Variants in ASH1L observed in about 807,000 individuals in gnomAD.
The protein encoded by ASH1L is histone-lysine N-methyltransferase ASH1L.
Under a neutral mutation model 269.0 loss-of-function variants are expected in ASH1L, and 23 were observed. That is an observed-to-expected ratio of 0.09 (90% CI 0.06 to 0.12). The LOEUF (loss-of-function observed/expected upper bound fraction) is 0.12. Among genes scored for constraint, ASH1L ranks in the 10% least tolerant of loss-of-function variants. The pLI is 1.00. For synonymous variants in ASH1L, 1,187 were observed against 1,253.5 expected, an observed-to-expected ratio of 0.95 and a Z score of 1.12; for missense variants, 2,912 against 3,567.8, an observed-to-expected ratio of 0.82 and a Z score of 4.68.
intron 5 of ASH1L, among the ~76,000 whole-genome samples, chr1:155,428,104 C>A (rs1290473174): frequency 6.6e-6 from 1 of 152,070 alleles, no homozygotes; most frequent in African/African-American, 2.4e-5. Context: ...TTATAAATTA[C>A]CCAGTCTCAG....
intron 2 of ASH1L, among the ~76,000 whole-genome samples, chr1:155,515,375 T>C (rs1410779987): frequency 6.6e-6 from 1 of 152,192 alleles, no homozygotes; most frequent in Non-Finnish European, 1.5e-5. Context: ...ACCAGCAGGA[T>C]GCGTAAAATC....
chr1:155,386,159 C>CT (rs1267834943), intron 7 of ASH1L, among the ~76,000 whole-genome samples: 1 of 151,794 alleles, frequency 6.6e-6, no homozygotes, highest in Non-Finnish European at 1.5e-5. Flanking sequence ...CCTGTGCCTC[C>CT]TGAGTTCAAG....
intron 4 of ASH1L, among the ~76,000 whole-genome samples, chr1:155,448,941 T>C (rs896774462): frequency 1.7e-4 from 26 of 150,446 alleles, no homozygotes; most frequent in Middle Eastern, 3.2e-3. Context: ...TGTGTGTGTG[T>C]GTTTTTTTTT....
In ASH1L at chr1:155,357,345, T is replaced by C. The variant is rs1654508415; in HGVS notation, c.7026A>G (p.Leu2342=). The change falls in exon 15 of 28, where the codon TTA becomes TTG. Residue 2342 remains leucine, a synonymous_variant. Transcript: ENST00000392403. ...INTPTRLTPQ[L]QMKPMSNRER... is the part of the protein sequence containing the mutation. The stretch of plus-strand genomic sequence containing the variant: ...CACGATTGGACATTGGCTTCATCTG[T>C]AATTGGGGGGTCAATCTAGTTGGGG... 1.9e-6 allele frequency: 3 copies of C among 1,613,944 alleles called. No individual in the cohort carries two copies. Among genetic ancestry groups the C allele is most frequent in the Non-Finnish European group, 2.5e-6 (3 of 1,179,944 alleles).
At position 155,562,493 on chromosome 1, in the gene ASH1L, G is replaced by A. The variant is rs1464928243; in HGVS notation, c.-440C>T. On this transcript the variant is annotated 5_prime_UTR_variant, in exon 1 of 28. Transcript: ENST00000392403. ...CGGCGGCAGCTCCTCCAGAGGGAGG[G>A]AGCGAAGGGCGCCTAGCGCCCCCCT... 15 of 1,487,830 alleles carry A rather than the reference G, an allele frequency of 1.0e-5. No individual in the cohort carries two copies. Among genetic ancestry groups the A allele is most frequent in the African/African-American group, 6.9e-5 (5 of 71,948 alleles). The allele number at this position is 1,487,830 out of a possible 1,614,324, so 92.2% of individuals were successfully genotyped here. A position where few individuals can be genotyped will look rare whatever the true frequency, so the allele number is the denominator to read the frequency against.
chr1:155,446,976 GA>G (rs1663089106), intron 4 of ASH1L, among the ~76,000 whole-genome samples: 4 of 152,306 alleles, frequency 2.6e-5, no homozygotes, highest in African/African-American at 9.6e-5. Context: ...TAAACACACA[GA>G]AATTGTACTG....
intron 21 of ASH1L, among the ~76,000 whole-genome samples, chr1:155,345,555 G>A (rs1431569368): frequency 2.0e-5 from 3 of 148,676 alleles, no homozygotes; most frequent in African/African-American, 7.4e-5. Context: ...TTATAGGTGT[G>A]AGCCACCATG....
rs761640241 is a variant in ASH1L at position 155,478,869 on chromosome 1, G to C, written c.4001C>G (p.Pro1334Arg). 1.2e-6 allele frequency: 2 copies of C among 1,613,908 alleles called. No individual in the cohort carries two copies. The highest frequency in any genetic ancestry group is 1.7e-6 in the Non-Finnish European group (2 of 1,179,996). ...TCGAATGTAGTGCAAAGGGTCTAAGGGGAAAGAAGGATGTGTATAGAAACT... is the reference window on the plus strand; with the variant it reads ...TCGAATGTAGTGCAAAGGGTCTAAGCGGAAAGAAGGATGTGTATAGAAACT... Reference protein sequence around the residue: ...FNSFYTHPSFPLDPLHYIRKP... With the variant: ...FNSFYTHPSFRLDPLHYIRKP... The change falls in exon 3 of 28, where the codon CCC becomes CGC. Residue 1334 changes from proline to arginine, a missense_variant. By Grantham distance (103) the Pro-to-Arg change is moderately radical. Transcript: ENST00000392403. The surrounding 1 kb of genome is among the most constrained non-coding windows in gnomAD (Gnocchi z 4.6).
rs186482530 is a variant in ASH1L at position 155,435,127 on chromosome 1, C to A, written c.5828+3200G>T. ...GAGCCAAGATTGCGCCACTGCATTC[C>A]AGCCTGGGTGACTCGGTCTCAAAAA... On this transcript the variant is annotated intron_variant, in intron 5 of 27. Transcript: ENST00000392403. Among the ~76,000 whole-genome samples, 194 of 152,284 alleles carry A rather than the reference C, an allele frequency of 1.3e-3. 1 individual carries two copies. The highest frequency in any genetic ancestry group is 4.5e-3 in the African/African-American group (186 of 41,542).
At chr1:155,495,023 A>T (rs1667055659) in intron 2 of ASH1L, among the ~76,000 whole-genome samples, 1 of 152,204 alleles carries the variant, frequency 6.6e-6, no homozygotes, top group Non-Finnish European at 1.5e-5. Context: ...GCTGCTGACA[A>T]GTCAAGTAGA....
Position 155,527,217 on chromosome 1 carries a change from GA to G in ASH1L, c.-99-5600del, listed in dbSNP as rs112701103. 1.1e-3 allele frequency among the ~76,000 whole-genome samples: 166 copies of G among 145,532 alleles called. No homozygotes were observed. In the East Asian group the frequency reaches 0.012, roughly 10 times the overall value. Reference sequence around the variant, plus strand: ...AGCGAGACTCCGTCTCAAAAAAAAAGAAAAAAAAAAATTCCTCTTGACTCCA... The same window carrying G: ...AGCGAGACTCCGTCTCAAAAAAAAAGAAAAAAAAAATTCCTCTTGACTCCA... On this transcript the variant is annotated intron_variant, in intron 1 of 27. Transcript: ENST00000392403.
In ASH1L at chr1:155,459,832, C is replaced by T. The variant is rs1280114281; in HGVS notation, c.5051G>A (p.Arg1684Gln). The change falls in exon 4 of 28, where the codon CGG becomes CAG. Residue 1684 changes from arginine to glutamine, a missense_variant. This residue lies in a region of ASH1L where 789 missense variants were observed against 897.6 expected (regional missense o/e 0.88). Transcript: ENST00000392403. ...AGTACTCTCAGATGAAGACCTTTTC[C>T]GGGTAGGGCTACAATTTGTGCTCTC... ...PSESTNCSPT[R>Q]KRSSSESTSS... 9.9e-6 allele frequency: 16 copies of T among 1,613,182 alleles called. No individual in the cohort carries two copies. The highest frequency in any genetic ancestry group is 2.2e-5 in the South Asian group (2 of 90,956).
At chr1:155,362,717 G>C (rs1655073611) in intron 12 of ASH1L, among the ~76,000 whole-genome samples, 1 of 152,010 alleles carries the variant, frequency 6.6e-6, no homozygotes, top group Non-Finnish European at 1.5e-5. Flanking sequence ...CCCCAATCCT[G>C]TAAGATAGGC....
Position 155,478,218 on chromosome 1 carries a change from T to C in ASH1L, c.4652A>G (p.Asn1551Ser). The change falls in exon 3 of 28, where the codon AAC (asparagine) becomes AGC (serine). Residue 1551 changes from asparagine (N) to serine (S), a missense_variant. Around this residue, in one of 13 missense-constraint regions of ASH1L, gnomAD observed 789 missense variants for 897.6 expected, o/e 0.88. Coordinates refer to ENST00000392403, the MANE Select transcript of ASH1L (RefSeq NM_018489.3). The surrounding 1 kb of genome is among the most constrained non-coding windows in gnomAD (Gnocchi z 4.6). ...TCGGTGGACCCACTGTTCCTCTCTG[T>C]TTATTAAGCTTTTTGAAGGAGAGAG... ...PHLSPSKSLI[N>S]REEQWVHREP... 4 of 1,609,480 alleles carry C rather than the reference T, an allele frequency of 2.5e-6. No individual in the cohort carries two copies. Among genetic ancestry groups the C allele is most frequent in the Non-Finnish European group, 3.4e-6 (4 of 1,178,376 alleles).
intron 1 of ASH1L, among the ~76,000 whole-genome samples, chr1:155,558,882 G>A (rs893746120): frequency 6.9e-6 from 1 of 143,920 alleles, no homozygotes; most frequent in South Asian, 2.2e-4. Context: ...GAGTCACTCT[G>A]TCGTCCAGGC....
At chr1:155,466,076 C>T (rs896255170) in intron 3 of ASH1L, among the ~76,000 whole-genome samples, 13 of 152,090 alleles carry the variant, frequency 8.5e-5, no homozygotes, top group Admixed American at 3.3e-4. Context: ...CTGTTTTGGC[C>T]GGGCGCTGTG....
intron 3 of ASH1L, among the ~76,000 whole-genome samples, chr1:155,465,350 T>C (rs773206343): frequency 2.7e-5 from 4 of 146,764 alleles, no homozygotes; most frequent in African/African-American, 1.0e-4. Context: ...ACAAAACATA[T>C]GTTTCTTTAG....
chr1:155,345,171 G>A (rs1467681724), intron 21 of ASH1L, among the ~76,000 whole-genome samples: 3 of 129,192 alleles, frequency 2.3e-5, no homozygotes, highest in Non-Finnish European at 4.7e-5. Context: ...TAGCCAGGAT[G>A]GTCTTTTTTT....
intron 1 of ASH1L, among the ~76,000 whole-genome samples, chr1:155,541,805 A>G (rs1307057991): frequency 6.6e-6 from 1 of 152,174 alleles, no homozygotes; most frequent in African/African-American, 2.4e-5. Context: ...AACATCAATT[A>G]TGTTATTTCC....
Sources: allele counts gnomAD v4.1 joint callset (sites outside exome capture counted in the v4.1 genomes callset), GRCh38; gene constraint gnomAD v4.1.1; regional missense constraint gnomAD v4.1.1; non-coding constraint Gnocchi (gnomAD v3.1); transcripts MANE v1.5; gene names NCBI Gene and HGNC (gene_info 2026-07-23, HGNC 2026-07-21).